Variants in POLG observed in about 807,000 individuals in gnomAD.
The protein encoded by POLG is DNA polymerase gamma, catalytic subunit.
A neutral mutation model predicts 155.4 loss-of-function variants in POLG; 110 were observed. The ratio of observed to expected loss-of-function variants is 0.71; its 90% CI spans 0.61 to 0.83. POLG has a LOEUF of 0.83. POLG is among the 40% of genes least tolerant of loss of function. POLG has a pLI of 0.00. For synonymous variants in POLG, 701 were observed against 631.5 expected (o/e 1.11, Z -1.65); for missense variants, 1,685 against 1,627.5 (o/e 1.04, Z -0.61).
At chr15:89,325,133 AGTGAGT>A (rs1272728583) in intron 10 of POLG, among the ~76,000 whole-genome samples, 18 of 73,794 alleles carry the variant, frequency 2.4e-4, no homozygotes, top group Middle Eastern at 6.2e-3. Context: ...TGAGTGAGAG[AGTGAGT>A]GAGAGAGTGA....
chr15:89,329,229 C>A, intron 3 of POLG, 119 bp from the exon 4 acceptor site: 3 of 792,334 alleles, frequency 3.8e-6, no homozygotes, highest in South Asian at 1.5e-5. Flanking sequence ...ACAGCCTCCC[C>A]TCCCAGCACA....
chr15:89,330,372 G>A (rs1470652566), intron 2 of POLG, 96 bp from the exon 3 acceptor site: 5 of 950,066 alleles, frequency 5.3e-6, no homozygotes, highest in Admixed American at 3.9e-5. Context: ...GCCAGATGGT[G>A]CATTGGCAGC....
Position 89,316,419 on chromosome 15 carries a change from G to T in POLG, c.*332C>A, listed in dbSNP as rs138461165. The T allele has an allele frequency of 6.2e-7, 1 of 1,611,636 alleles. No individual in the cohort carries two copies. Among genetic ancestry groups the T allele is most frequent in the East Asian group, 2.2e-5 (1 of 44,816 alleles). On this transcript the variant is annotated 3_prime_UTR_variant, in exon 23 of 23. Transcript: ENST00000268124. ...TAGGGCACTGCATCAGAGCATGGGG[G>T]ACAGAACAAAGAACCAGCCAAGAAG...
intron 3 of POLG, among the ~76,000 whole-genome samples, chr15:89,329,474 C>A (rs954505075): frequency 2.6e-5 from 4 of 152,230 alleles, no homozygotes; most frequent in South Asian, 2.1e-4. Flanking sequence ...CTCAAAAGCT[C>A]TGTGGCCCTG....
At position 89,321,007 on chromosome 15, in the gene POLG, T is replaced by C. The variant is rs139590686; in HGVS notation, c.2740A>G (p.Thr914Ala). The C allele has an allele frequency of 6.2e-7, 1 of 1,614,168 alleles. No individual in the cohort carries two copies. Among genetic ancestry groups the C allele is most frequent in the Non-Finnish European group, 8.5e-7 (1 of 1,180,040 alleles). The stretch of plus-strand genomic sequence containing the variant: ...TGCAGTGTCATCCACCCAAAGGCTG[T>C]GCAGCCTGGAAGACAAGCAGGAGTG... ...DAHFAGMHGC[T>A]AFGWMTLQGR... Residue 914 changes from threonine (T) to alanine (A), a missense_variant, in exon 18 of 23, where the codon ACA (threonine) becomes GCA (alanine). Transcript: ENST00000268124.
Position 89,329,196 on chromosome 15 carries a change from C to T in POLG, c.856-86G>A. The stretch of plus-strand genomic sequence containing the variant: ...CACCACTGCTTGGTGGTGTGGACCT[C>T]CAGCCCCACCTCAGCTCCTCAAACA... On this transcript the variant is annotated intron_variant, in intron 3 of 22. Transcript: ENST00000268124. 3.5e-6 allele frequency: 4 copies of T among 1,139,782 alleles called. No homozygotes were observed. In the South Asian group the frequency reaches 5.2e-5, roughly 15 times the overall value. The allele number at this position is 1,139,782 out of a possible 1,614,324, so 70.6% of individuals were successfully genotyped here.
chr15:89,325,041 T>TGAGTGAGTGAGTGAGAGAGTGAGA (rs2055454125), intron 10 of POLG, among the ~76,000 whole-genome samples: 1 of 51,960 alleles, frequency 1.9e-5, no homozygotes, highest in South Asian at 6.1e-4. Flanking sequence ...ACCCAGAGAG[T>TGAGTGAGTGAGTGAGAGAGTGAGA]GAGTGAGTGA....
intron 1 of POLG, 31 bp from the exon 2 acceptor site, chr15:89,333,944 T>G: frequency 1.5e-6 from 1 of 647,074 alleles, no homozygotes; most frequent in South Asian, 1.9e-5. Context: ...AAAGCGTTAT[T>G]TTACCATATA....
intron 10 of POLG, 100 bp from the exon 11 acceptor site, chr15:89,324,327 C>G (rs867626587): frequency 1.5e-6 from 2 of 1,369,368 alleles, no homozygotes; most frequent in African/African-American, 1.4e-5. Flanking sequence ...TTGTTTAGTC[C>G]TCAGAATCAG....
chr15:89,325,834 G>T, intron 9 of POLG, 148 bp from the exon 10 acceptor site: 1 of 731,068 alleles, frequency 1.4e-6, no homozygotes, highest in East Asian at 2.5e-5. Flanking sequence ...CCCTCCTCTG[G>T]GATGCTTTAG....
In POLG at chr15:89,323,531, A is replaced by G. The variant is rs374951133; in HGVS notation, c.2158-20T>C. 3.2e-5 allele frequency: 47 copies of G among 1,475,410 alleles called. No homozygotes were observed. Among genetic ancestry groups the G allele is most frequent in the South Asian group, 2.9e-4 (26 of 88,292 alleles). 91.4% of individuals were successfully genotyped at this position (1,475,410 alleles called of 1,614,324 possible). A position where few individuals can be genotyped will look rare whatever the true frequency, so the allele number is the denominator to read the frequency against. On this transcript the variant is annotated intron_variant, in intron 12 of 22. Transcript: ENST00000268124. Reference sequence around the variant, plus strand: ...GGCAGTCTGTGAGGGCCACACACCTATATCAGGCCCTGCTCCAGCACCTGC... The same window carrying G: ...GGCAGTCTGTGAGGGCCACACACCTGTATCAGGCCCTGCTCCAGCACCTGC...
At chr15:89,326,791 ATCTGCTCC>A (rs1476763957) in intron 8 of POLG, 53 bp from the exon 9 acceptor site, 1 of 1,612,916 alleles carries the variant, frequency 6.2e-7, no homozygotes, top group African/African-American at 1.3e-5. Context: ...TCTCAATAAG[ATCTGCTCC>A]CACCCGCTCA....
intron 14 of POLG, 113 bp downstream of exon 14, chr15:89,322,629 G>A (rs1242953636): frequency 1.0e-5 from 12 of 1,167,476 alleles, no homozygotes; most frequent in Non-Finnish European, 1.5e-5. Flanking sequence ...AAAGTAGCCA[G>A]GCCTCTAGAC....
intron 22 of POLG, 169 bp downstream of exon 22, chr15:89,317,207 T>C: frequency 1.5e-6 from 1 of 657,126 alleles, no homozygotes; most frequent in African/African-American, 1.8e-5. Flanking sequence ...TGAAACATCA[T>C]ATCACATTCA....
At chr15:89,326,471 G>A in intron 9 of POLG, 141 bp downstream of exon 9, 1 of 941,958 alleles carries the variant, frequency 1.1e-6, no homozygotes, top group African/African-American at 1.6e-5. Context: ...AATAGGACTG[G>A]AAGACAGTGT....
intron 21 of POLG, chr15:89,317,818 A>G (rs958491164): frequency 3.0e-4 from 137 of 454,758 alleles, no homozygotes; most frequent in Middle Eastern, 1.9e-3. Context: ...ATCACTTCCA[A>G]TTGGGCCAGA....
chr15:89,318,337 C>T (rs1457260913), intron 21 of POLG, among the ~76,000 whole-genome samples: 1 of 149,652 alleles, frequency 6.7e-6, no homozygotes, highest in East Asian at 1.9e-4. Flanking sequence ...CATTTTCAAA[C>T]CCAATAACTC....
Position 89,329,014 on chromosome 15 carries a change from C to T in POLG, c.952G>A (p.Gly318Ser), listed in dbSNP as rs752657467. 4 of 1,613,488 alleles carry T rather than the reference C, an allele frequency of 2.5e-6. No individual in the cohort carries two copies. The East Asian group carries it at 6.7e-5, about 27-fold the overall frequency. Residue 318 changes from glycine to serine, a missense_variant, in exon 4 of 23, where the codon GGC becomes AGC. This residue lies in a region of POLG where 1,210 missense variants were observed against 1,167.1 expected (regional missense o/e 1.04). Transcript: ENST00000268124. ...QRSLWIAAKQ[G>S]KHKVQPPTKQ... ...GTGGGGGGCTGGACCTTGTGTTTGCCCTGCTTGGCTGCTATCCACAGACTG... is the reference window on the plus strand; with the variant it reads ...GTGGGGGGCTGGACCTTGTGTTTGCTCTGCTTGGCTGCTATCCACAGACTG...
chr15:89,317,273 A>T, intron 22 of POLG, 103 bp downstream of exon 22: 1 of 968,154 alleles, frequency 1.0e-6, no homozygotes. Context: ...AGCCTGAGTC[A>T]AGAGTGGATT....
Sources: allele counts gnomAD v4.1 joint callset (sites outside exome capture counted in the v4.1 genomes callset), GRCh38; gene constraint gnomAD v4.1.1; regional missense constraint gnomAD v4.1.1; transcripts MANE v1.5; gene names NCBI Gene and HGNC (gene_info 2026-07-23, HGNC 2026-07-21).